The following NTM variants were observed in gnomAD, a reference collection of about 807,000 sequenced individuals.
NTM encodes neurotrimin, also known as IgLON family member 2.
In NTM, 13 loss-of-function variants were observed where a neutral mutation model predicts 42.1. That is an observed-to-expected ratio of 0.31 (90% CI 0.20 to 0.49). The LOEUF (loss-of-function observed/expected upper bound fraction) is 0.49. NTM is among the 20% of genes least tolerant of loss of function. The pLI is 0.99. For synonymous variants in NTM, 187 were observed against 179.2 expected (o/e 1.04, Z -0.35); for missense variants, 373 against 452.8 (o/e 0.82, Z 1.60).
Position 131,573,887 on chromosome 11 carries a change from C to T in NTM, c.82+202999C>T, listed in dbSNP as rs563072701. Among the ~76,000 whole-genome samples, 285 of 152,296 alleles carry T rather than the reference C, an allele frequency of 1.9e-3. 4 individuals are homozygous for T. The South Asian group carries it at 0.026, about 14-fold the overall frequency. ...AGGGGGCTGGAGCACTGTCCACCTG[C>T]GGGCACTGGAATCTCCAGGAGTTTC... is the stretch of plus-strand genomic sequence containing the variant. On this transcript the variant is annotated intron_variant, in intron 1 of 8. Coordinates refer to ENST00000683400, the MANE Select transcript of NTM (RefSeq NM_001352005.2).
intron 4 of NTM, among the ~76,000 whole-genome samples, chr11:132,256,673 C>A (rs4936163): frequency 6.7e-6 from 1 of 150,072 alleles, no homozygotes; most frequent in Non-Finnish European, 1.5e-5. Flanking sequence ...TGTGGACTGG[C>A]AGGGCCTGTT....
chr11:132,196,851 C>A (rs982363771), intron 3 of NTM, among the ~76,000 whole-genome samples: 1 of 152,086 alleles, frequency 6.6e-6, no homozygotes, highest in Non-Finnish European at 1.5e-5. Context: ...GTGACTGGAT[C>A]ATTAATACAC....
At chr11:131,581,573 CT>C (rs2058415123) in intron 1 of NTM, among the ~76,000 whole-genome samples, 1 of 152,130 alleles carries the variant, frequency 6.6e-6, no homozygotes, top group African/African-American at 2.4e-5. Context: ...TTAAGGGGTA[CT>C]TTATAGAGTT....
At chr11:132,148,788 C>T (rs978379628) in intron 3 of NTM, among the ~76,000 whole-genome samples, 21 of 152,014 alleles carry the variant, frequency 1.4e-4, no homozygotes, top group South Asian at 2.1e-4. Context: ...CCAAGAGAGA[C>T]GGCTGGGTGT....
intron 2 of NTM, among the ~76,000 whole-genome samples, chr11:132,124,290 C>G (rs2065311820): frequency 6.6e-6 from 1 of 152,126 alleles, no homozygotes; most frequent in African/African-American, 2.4e-5. Context: ...CCCTGCCCTC[C>G]CTGAGATCTC....
intron 1 of NTM, among the ~76,000 whole-genome samples, chr11:131,450,062 C>T (rs370743711): frequency 9.9e-5 from 15 of 152,172 alleles, no homozygotes; most frequent in East Asian, 1.9e-4. Flanking sequence ...GGAGTTATAA[C>T]GATTTCTCTC....
chr11:131,671,058 T>C (rs2070123727), intron 1 of NTM, among the ~76,000 whole-genome samples: 1 of 152,160 alleles, frequency 6.6e-6, no homozygotes, highest in Admixed American at 6.5e-5. Context: ...CTCTGTTTCC[T>C]GCCCCCATCA....
intron 1 of NTM, among the ~76,000 whole-genome samples, chr11:131,442,573 A>G (rs1260712999): frequency 6.6e-6 from 1 of 151,994 alleles, no homozygotes; most frequent in Non-Finnish European, 1.5e-5. Flanking sequence ...TCCCTTTCCC[A>G]TCTTCCCCCC....
intron 2 of NTM, among the ~76,000 whole-genome samples, chr11:132,060,389 C>T (rs1045720510): frequency 1.3e-5 from 2 of 152,276 alleles, no homozygotes; most frequent in Middle Eastern, 3.4e-3. Flanking sequence ...CAAGTCTGCC[C>T]TAGAGTAAAG....
chr11:132,314,095 A>G (rs1468204091), intron 6 of NTM, among the ~76,000 whole-genome samples: 1 of 151,664 alleles, frequency 6.6e-6, no homozygotes, highest in Non-Finnish European at 1.5e-5. Context: ...TGCTCGAAAA[A>G]CATTTTTCTT....
At chr11:131,748,368 C>T (rs991297443) in intron 1 of NTM, among the ~76,000 whole-genome samples, 1 of 152,216 alleles carries the variant, frequency 6.6e-6, no homozygotes, top group African/African-American at 2.4e-5. Context: ...GGGGTCAGTG[C>T]AGCTAAGCAG....
chr11:131,723,471 A>G (rs1334771367), intron 1 of NTM, among the ~76,000 whole-genome samples: 1 of 152,246 alleles, frequency 6.6e-6, no homozygotes, highest in Non-Finnish European at 1.5e-5. Flanking sequence ...AGCAAATAAA[A>G]ACAGAAATAA....
At position 131,612,641 on chromosome 11, in the gene NTM, G is replaced by A. The variant is rs2061552192; in HGVS notation, c.82+241753G>A. Among the ~76,000 whole-genome samples the A allele has an allele frequency of 3.3e-5, 5 of 152,254 alleles. No individual in the cohort carries two copies. In the South Asian group the frequency reaches 1.0e-3, roughly 31 times the overall value. On this transcript the variant is annotated intron_variant, in intron 1 of 8. Transcript: ENST00000683400. ...ATTGAAATTGCAGACAGTTACAGAT[G>A]AAGCACTTTACATTGTTACCTCACA...
intron 1 of NTM, among the ~76,000 whole-genome samples, chr11:131,902,327 T>G (rs2053292582): frequency 6.6e-6 from 1 of 152,212 alleles, no homozygotes; most frequent in African/African-American, 2.4e-5. Context: ...ATGTTTATCT[T>G]CTTAAAATGT....
chr11:132,181,196 T>C (rs61905992), intron 3 of NTM, among the ~76,000 whole-genome samples: 5,077 of 152,272 alleles, frequency 0.033, 130 homozygotes, highest in African/African-American at 0.065. Context: ...CACCCAACTC[T>C]CACCACTCCA....
At chr11:131,990,330 T>G (rs2066802830) in intron 2 of NTM, among the ~76,000 whole-genome samples, 1 of 152,124 alleles carries the variant, frequency 6.6e-6, no homozygotes, top group Admixed American at 6.6e-5. Context: ...AAATGAAAAA[T>G]GAAAATGTTC....
Position 131,666,156 on chromosome 11 carries a change from T to C in NTM, c.83-245408T>C, listed in dbSNP as rs111608064. Among the ~76,000 whole-genome samples, 1,499 of 152,290 alleles carry C rather than the reference T, an allele frequency of 9.8e-3. 28 individuals are homozygous for C. Among genetic ancestry groups the C allele is most frequent in the African/African-American group, 0.034 (1,408 of 41,554 alleles). Reference sequence around the variant, plus strand: ...TCTGAGGATTCAGTGCCCAGGGCTATTGAATTCCTCAACCCATGGTCAAGT... The same window carrying C: ...TCTGAGGATTCAGTGCCCAGGGCTACTGAATTCCTCAACCCATGGTCAAGT... On this transcript the variant is annotated intron_variant, in intron 1 of 8. Coordinates refer to ENST00000683400, the MANE Select transcript of NTM (RefSeq NM_001352005.2).
At chr11:131,803,938 A>G (rs1161033906) in intron 1 of NTM, among the ~76,000 whole-genome samples, 1 of 152,176 alleles carries the variant, frequency 6.6e-6, no homozygotes, top group Non-Finnish European at 1.5e-5. Context: ...TGTGGGAATG[A>G]TGCCTAAATC....
chr11:131,520,338 G>A (rs7107366), intron 1 of NTM, among the ~76,000 whole-genome samples: 20,837 of 151,974 alleles, frequency 0.14, 1,628 homozygotes, highest in East Asian at 0.26. Flanking sequence ...CAATTTTAAG[G>A]TAAACAAACT....
Sources: gnomAD v4.1 joint callset for allele counts (sites outside exome capture counted in the v4.1 genomes callset) on GRCh38, gnomAD v4.1.1 for gene constraint, MANE v1.5 for transcripts, NCBI Gene and HGNC (gene_info 2026-07-23, HGNC 2026-07-21) for gene names.